The following GPHN variants were observed in gnomAD, a reference collection of about 807,000 sequenced individuals.
GPHN encodes gephyrin.
GPHN carries 17 observed loss-of-function variants against 95.5 expected under a neutral mutation model. The observed-to-expected ratio is 0.18, with a 90% CI of 0.12 to 0.27. The LOEUF (loss-of-function observed/expected upper bound fraction) is 0.27. GPHN is among the 10% of genes least tolerant of loss of function. GPHN has a pLI of 1.00. For missense variants in GPHN, 660 were observed against 978.1 expected (o/e 0.67, Z 4.34); for synonymous variants, 320 against 322.5 (o/e 0.99, Z 0.08).
At chr14:66,910,940 C>T (rs1164661109) in intron 5 of GPHN, among the ~76,000 whole-genome samples, 1 of 151,904 alleles carries the variant, frequency 6.6e-6, no homozygotes, top group African/African-American at 2.4e-5. Context: ...TATAGCTATG[C>T]ATATCAGCAT....
intron 4 of GPHN, among the ~76,000 whole-genome samples, chr14:66,830,366 AT>A (rs1316649404): frequency 6.6e-6 from 1 of 152,156 alleles, no homozygotes; most frequent in Non-Finnish European, 1.5e-5. Flanking sequence ...TAAAAATAAA[AT>A]ATCCCTTATT....
At chr14:67,200,728 C>A in the GPHN span, among the ~76,000 whole-genome samples, 1 of 152,152 alleles carries the variant, frequency 6.6e-6, no homozygotes, top group Non-Finnish European at 1.5e-5. Context: ...ATTTGATGTA[C>A]TTTACCTTAT....
At chr14:67,730,085 T>A in the GPHN span, among the ~76,000 whole-genome samples, 1 of 152,246 alleles carries the variant, frequency 6.6e-6, no homozygotes, top group African/African-American at 2.4e-5. Flanking sequence ...TGAGTTTTTA[T>A]AATGTGTTTG....
At chr14:67,249,300 A>T in the GPHN span, among the ~76,000 whole-genome samples, 2 of 152,188 alleles carry the variant, frequency 1.3e-5, no homozygotes, top group Non-Finnish European at 2.9e-5. Context: ...AGCAGGAGAA[A>T]TGACAGTAAT....
intron 4 of GPHN, among the ~76,000 whole-genome samples, chr14:66,864,057 A>T (rs1011341254): frequency 1.3e-5 from 2 of 152,172 alleles, no homozygotes; most frequent in Non-Finnish European, 2.9e-5. Context: ...ATATTTGCAA[A>T]CTACCCACCT....
chr14:66,672,183 G>T (rs2066335429), intron 1 of GPHN, among the ~76,000 whole-genome samples: 1 of 151,990 alleles, frequency 6.6e-6, no homozygotes, highest in Non-Finnish European at 1.5e-5. Flanking sequence ...TATATTTTGA[G>T]ATTTATTTTT....
At chr14:67,474,960 G>C in the GPHN span, among the ~76,000 whole-genome samples, 1 of 139,052 alleles carries the variant, frequency 7.2e-6, no homozygotes, top group South Asian at 2.2e-4. Context: ...CTGTCGTCCA[G>C]GCTGGAGTGC....
rs146009139 is a variant in GPHN at position 66,940,768 on chromosome 14, T to C, written c.828+16476T>C. ...TAGGGCGTTGACCCATAGCTTGGAG[T>C]TGAGTTTGAGACAAAAATGTGTCTT... On this transcript the variant is annotated intron_variant, in intron 8 of 22. Coordinates refer to ENST00000478722, the MANE Select transcript of GPHN (RefSeq NM_020806.5). Among the ~76,000 whole-genome samples, 113 of 152,112 alleles carry C rather than the reference T, an allele frequency of 7.4e-4. No homozygotes were observed. The East Asian group carries it at 0.019, about 26-fold the overall frequency.
At chr14:66,891,799 T>G (rs536867447) in intron 5 of GPHN, among the ~76,000 whole-genome samples, 1 of 152,076 alleles carries the variant, frequency 6.6e-6, no homozygotes, top group South Asian at 2.1e-4. Flanking sequence ...AAGAAAATGC[T>G]ATTTAAAAAC....
intron 9 of GPHN, among the ~76,000 whole-genome samples, chr14:66,968,308 T>C (rs1486820513): frequency 2.0e-5 from 3 of 152,012 alleles, no homozygotes; most frequent in East Asian, 3.8e-4. Context: ...TGCATCTTGA[T>C]TGGGAATGTG....
chr14:67,445,382 A>G, the GPHN span, among the ~76,000 whole-genome samples: 1 of 151,940 alleles, frequency 6.6e-6, no homozygotes, highest in Admixed American at 6.6e-5. Context: ...CCAGGTAGAT[A>G]GTGTCAGAAT....
the GPHN span, among the ~76,000 whole-genome samples, chr14:67,391,680 T>C: frequency 6.6e-6 from 1 of 152,216 alleles, no homozygotes; most frequent in East Asian, 1.9e-4. Flanking sequence ...AAATGTCTGC[T>C]ACACTTCCTG....
chr14:67,163,969 T>A (rs190256608), intron 19 of GPHN, among the ~76,000 whole-genome samples: 1,829 of 152,182 alleles, frequency 0.012, 19 homozygotes, highest in Non-Finnish European at 0.018. Flanking sequence ...AGAATATTTT[T>A]AAATTACTAT....
At chr14:67,146,251 T>C (rs2080892114) in intron 18 of GPHN, among the ~76,000 whole-genome samples, 2 of 152,152 alleles carry the variant, frequency 1.3e-5, no homozygotes, top group Non-Finnish European at 2.9e-5. Flanking sequence ...CAGTACCTTC[T>C]TCCCAGCCAA....
At chr14:66,952,078 T>A (rs2068143719) in intron 8 of GPHN, among the ~76,000 whole-genome samples, 1 of 152,204 alleles carries the variant, frequency 6.6e-6, no homozygotes, top group South Asian at 2.1e-4. Flanking sequence ...TTAAAGTGTG[T>A]GATTCAGTGA....
chr14:66,553,481 CAGGTTAG>C (rs1360093641), intron 1 of GPHN, among the ~76,000 whole-genome samples: 8 of 152,140 alleles, frequency 5.3e-5, no homozygotes, highest in Non-Finnish European at 1.0e-4. Context: ...ATCTCTCTGT[CAGGTTAG>C]AGAATTTTGA....
chr14:67,379,654 C>CTTTTTTTTTTTTTTTT, the GPHN span, among the ~76,000 whole-genome samples: 146 of 119,944 alleles, frequency 1.2e-3, 5 homozygotes, highest in East Asian at 7.7e-3. Context: ...TTTTCTTTTT[C>CTTTTTTTTTTTTTTTT]TTTTTTTTTT....
the GPHN span, among the ~76,000 whole-genome samples, chr14:67,534,603 G>A: frequency 6.6e-6 from 1 of 152,110 alleles, no homozygotes; most frequent in Non-Finnish European, 1.5e-5. Context: ...GTATGGTTCA[G>A]TCCACTTCTA....
At chr14:67,158,283 G>A (rs1262796196) in intron 18 of GPHN, among the ~76,000 whole-genome samples, 1 of 146,480 alleles carries the variant, frequency 6.8e-6, no homozygotes, top group Non-Finnish European at 1.5e-5. Context: ...CTCCAGCCTG[G>A]AGGACGAGAG....
Sources: allele counts gnomAD v4.1 joint callset (sites outside exome capture counted in the v4.1 genomes callset), GRCh38; gene constraint gnomAD v4.1.1; transcripts MANE v1.5; gene names NCBI Gene and HGNC (gene_info 2026-07-23, HGNC 2026-07-21).